Variants in MCPH1 observed in about 807,000 individuals in gnomAD.
MCPH1 encodes microcephalin 1.
In MCPH1, 104 loss-of-function variants were observed where a neutral mutation model predicts 84.5. That is an observed-to-expected ratio of 1.23 (90% CI 1.05 to 1.45). MCPH1 has a LOEUF of 1.45. Ranked by LOEUF, MCPH1 falls within the 40% of genes most tolerant of loss-of-function variation. The pLI, the probability that MCPH1 is intolerant of heterozygous loss-of-function variation, is 0.00. For synonymous variants in MCPH1, 514 were observed against 366.8 expected, an observed-to-expected ratio of 1.40 and a Z score of -4.58; for missense variants, 1,498 against 1,005.7, an observed-to-expected ratio of 1.49 and a Z score of -6.62.
chr8:6,576,682 A>AT (rs58486084), intron 12 of MCPH1, among the ~76,000 whole-genome samples: 5 of 42,348 alleles, frequency 1.2e-4, no homozygotes, highest in African/African-American at 1.9e-4. Flanking sequence ...TAATTTTTGT[A>AT]TTTTTTTTTT....
At chr8:6,462,898 G>A (rs1371069343) in intron 9 of MCPH1, among the ~76,000 whole-genome samples, 1 of 152,170 alleles carries the variant, frequency 6.6e-6, no homozygotes, top group African/African-American at 2.4e-5. Context: ...TATTGACTGT[G>A]CTTTGTTCTG....
At chr8:6,510,018 C>T (rs1814674472) in intron 12 of MCPH1, among the ~76,000 whole-genome samples, 1 of 152,186 alleles carries the variant, frequency 6.6e-6, no homozygotes, top group African/African-American at 2.4e-5. Flanking sequence ...GTATCACCTT[C>T]ACACCATCGT....
chr8:6,553,438 C>A (rs1461156222), intron 12 of MCPH1, among the ~76,000 whole-genome samples: 1 of 152,174 alleles, frequency 6.6e-6, no homozygotes, highest in Non-Finnish European at 1.5e-5. Context: ...GGGAGAATAA[C>A]TTCAGAGGCT....
chr8:6,409,212 C>A (rs923211709), intron 1 of MCPH1, 67 bp from the exon 2 acceptor site: 5 of 1,336,882 alleles, frequency 3.7e-6, no homozygotes, highest in African/African-American at 2.9e-5. Context: ...GTAAATAGAA[C>A]AAAATCTATT....
intron 3 of MCPH1, among the ~76,000 whole-genome samples, chr8:6,421,774 A>T (rs148975926): frequency 2.0e-5 from 3 of 152,240 alleles, no homozygotes; most frequent in African/African-American, 7.2e-5. Context: ...TTGCTGACCC[A>T]GGTCCAGTGT....
At chr8:6,626,472 T>TTG (rs1280375874) in intron 13 of MCPH1, 1 of 957,282 alleles carries the variant, frequency 1.0e-6, no homozygotes, top group African/African-American at 1.9e-5. Context: ...TTTTTTTGTT[T>TTG]TGTTTTTTTT....
At chr8:6,433,115 A>T (rs1397838188) in intron 4 of MCPH1, among the ~76,000 whole-genome samples, 1 of 152,166 alleles carries the variant, frequency 6.6e-6, no homozygotes, top group African/African-American at 2.4e-5. Context: ...TGACCATTTC[A>T]TGTCGGTAGC....
chr8:6,492,806 A>T (rs1007154067), intron 11 of MCPH1, among the ~76,000 whole-genome samples: 5 of 151,320 alleles, frequency 3.3e-5, no homozygotes, highest in Non-Finnish European at 7.4e-5. Flanking sequence ...TGAGTTAAGT[A>T]ATTAATTGAT....
intron 12 of MCPH1, among the ~76,000 whole-genome samples, chr8:6,513,458 G>A (rs142718577): frequency 0.011 from 1,666 of 150,692 alleles, 35 homozygotes; most frequent in African/African-American, 0.038. Flanking sequence ...TCAGCCTCCC[G>A]AGTAGCTGGG....
rs149514879 is a variant in MCPH1, at chr8:6,592,240, C to G, written c.2215-29214C>G. 3.4e-4 allele frequency among the ~76,000 whole-genome samples: 52 copies of G among 152,190 alleles called. 1 individual carries two copies. The highest frequency in any genetic ancestry group is 1.0e-3 in the African/African-American group (43 of 41,544). On this transcript the variant is annotated intron_variant, in intron 12 of 13. Transcript: ENST00000344683. ...TGATCCTGGCTCACTGCAGCTCAACCTCTCGGGCTCAAGTGATCCTCCCAC... is the reference window on the plus strand; with the variant it reads ...TGATCCTGGCTCACTGCAGCTCAACGTCTCGGGCTCAAGTGATCCTCCCAC...
intron 8 of MCPH1, among the ~76,000 whole-genome samples, chr8:6,453,087 A>G (rs1805269457): frequency 6.6e-6 from 1 of 152,224 alleles, no homozygotes; most frequent in Non-Finnish European, 1.5e-5. Flanking sequence ...ATGACAACCC[A>G]TGAAAAAACC....
At chr8:6,505,272 G>GTTA (rs1813153585) in intron 12 of MCPH1, among the ~76,000 whole-genome samples, 1 of 21,950 alleles carries the variant, frequency 4.6e-5, no homozygotes, top group African/African-American at 1.8e-4. Flanking sequence ...TTATATATAT[G>GTTA]TATACATATA....
intron 12 of MCPH1, among the ~76,000 whole-genome samples, chr8:6,597,463 C>T (rs1829016663): frequency 6.6e-6 from 1 of 152,070 alleles, no homozygotes; most frequent in African/African-American, 2.4e-5. Context: ...TGTACTTGTG[C>T]CAAGTGCCAT....
At chr8:6,452,311 T>C (rs1188061815) in intron 8 of MCPH1, among the ~76,000 whole-genome samples, 1 of 152,264 alleles carries the variant, frequency 6.6e-6, no homozygotes, top group East Asian at 1.9e-4. Flanking sequence ...TTACTAGCTT[T>C]CATTGATGTG....
At chr8:6,445,963 A>C (rs2129555855) in intron 8 of MCPH1, 1 of 981,884 alleles carries the variant, frequency 1.0e-6, no homozygotes. Context: ...AAAGAAATTA[A>C]GGTAGATTAA....
At chr8:6,420,062 G>A (rs1799940417) in intron 3 of MCPH1, among the ~76,000 whole-genome samples, 1 of 151,648 alleles carries the variant, frequency 6.6e-6, no homozygotes, top group Admixed American at 6.6e-5. Context: ...GGAGGGAGGA[G>A]GGAGGGGCTC....
intron 12 of MCPH1, among the ~76,000 whole-genome samples, chr8:6,524,553 G>T (rs1420094985): frequency 1.3e-5 from 2 of 152,198 alleles, no homozygotes; most frequent in Admixed American, 6.5e-5. Context: ...GTTGGGTTCA[G>T]ATCACGTCTT....
rs755235337 is a variant in MCPH1 at position 6,406,644 on chromosome 8, G to C, written c.-24G>C. 3.7e-6 allele frequency: 6 copies of C among 1,611,182 alleles called. No individual in the cohort carries two copies. The highest frequency in any genetic ancestry group is 2.2e-5 in the East Asian group (1 of 44,790). The stretch of plus-strand genomic sequence containing the variant: ...AGGCTCGCAAGCACCGCGTAGGCCA[G>C]CTGGCCGGATCCCGCCGTCTGTCAT... On this transcript the variant is annotated 5_prime_UTR_variant, in exon 1 of 14. Transcript: ENST00000344683.
intron 12 of MCPH1, chr8:6,618,917 T>TG (rs1487725510): frequency 2.0e-5 from 3 of 152,296 alleles, no homozygotes; most frequent in African/African-American, 7.2e-5. Context: ...CCGTGGCCTC[T>TG]GGGGGCTTCA....
Sources: gnomAD v4.1 joint callset for allele counts (sites outside exome capture counted in the v4.1 genomes callset) on GRCh38, gnomAD v4.1.1 for gene constraint, MANE v1.5 for transcripts, NCBI Gene and HGNC (gene_info 2026-07-23, HGNC 2026-07-21) for gene names.